The following RIOK1 variants were observed in gnomAD, a reference collection of about 807,000 sequenced individuals.
RIOK1 encodes the protein serine/threonine-protein kinase RIO1.
In RIOK1, 66 loss-of-function variants were observed where a neutral mutation model predicts 73.5. The observed-to-expected ratio is 0.90, with a 90% CI of 0.74 to 1.10. The LOEUF is 1.10. RIOK1 is among the 50% of genes least tolerant of loss of function. RIOK1 has a pLI of 0.00. For missense variants in RIOK1, 658 were observed against 699.8 expected, an observed-to-expected ratio of 0.94 and a Z score of 0.67; for synonymous variants, 224 against 226.8, an observed-to-expected ratio of 0.99 and a Z score of 0.11.
rs563428398 is a variant in RIOK1 at position 7,398,096 on chromosome 6, C to T, written c.438-602C>T. Among the ~76,000 whole-genome samples, 30 of 152,256 alleles carry T rather than the reference C, an allele frequency of 2.0e-4. No individual in the cohort carries two copies. In the South Asian group the frequency reaches 5.8e-3, roughly 29 times the overall value. On this transcript the variant is annotated intron_variant, in intron 4 of 16. Coordinates refer to ENST00000379834, the MANE Select transcript of RIOK1 (RefSeq NM_031480.3). ...GGCAGAGCTTGCAGTGAGCCGAGAT[C>T]GTGCCACTGCACTCCAGCCTGGGCG...
intron 1 of RIOK1, 110 bp downstream of exon 1, chr6:7,390,183 C>A: frequency 1.1e-6 from 1 of 875,916 alleles, no homozygotes; most frequent in Non-Finnish European, 1.8e-6. Context: ...GTTCATCACT[C>A]AGCGTCTCTC....
Position 7,403,924 on chromosome 6 carries a change from T to C in RIOK1, c.768-17T>C, listed in dbSNP as rs746503141. 26 of 1,581,900 alleles carry C rather than the reference T, an allele frequency of 1.6e-5. No individual in the cohort carries two copies. The highest frequency in any genetic ancestry group is 2.0e-5 in the Non-Finnish European group (23 of 1,154,628). ...TTCAACTTTTCAGTTGTCCTTTTAT[T>C]TGTTATAATATCACAGGCTAAACAC... On this transcript the variant is annotated splice_polypyrimidine_tract_variant and intron_variant, in intron 8 of 16. Transcript: ENST00000379834.
chr6:7,414,455 G>A, intron 16 of RIOK1, 65 bp downstream of exon 16: 1 of 1,411,150 alleles, frequency 7.1e-7, no homozygotes, highest in Non-Finnish European at 9.6e-7. Flanking sequence ...ATTTCTCTTT[G>A]CTCAAGGATC....
intron 1 of RIOK1, among the ~76,000 whole-genome samples, chr6:7,390,694 A>G (rs143716508): frequency 3.1e-3 from 472 of 152,354 alleles, no homozygotes; most frequent in Non-Finnish European, 5.1e-3. Flanking sequence ...CCTAGAGCAC[A>G]GTGGAGGTAG....
intron 4 of RIOK1, among the ~76,000 whole-genome samples, chr6:7,398,138 T>C (rs1050993332): frequency 5.9e-5 from 9 of 152,232 alleles, no homozygotes; most frequent in African/African-American, 2.2e-4. Context: ...CGAGACTCCA[T>C]CTCAAAACAA....
At chr6:7,405,645 C>G (rs965976732) in intron 12 of RIOK1, among the ~76,000 whole-genome samples, 3 of 152,110 alleles carry the variant, frequency 2.0e-5, no homozygotes, top group Admixed American at 1.3e-4. Context: ...ATTGCATTTG[C>G]TTGACACTTC....
At chr6:7,397,913 G>A (rs907428029) in intron 4 of RIOK1, among the ~76,000 whole-genome samples, 2 of 152,158 alleles carry the variant, frequency 1.3e-5, no homozygotes, top group Non-Finnish European at 2.9e-5. Context: ...AGGCAGAGGC[G>A]GGCGGATCAC....
chr6:7,416,988 A>T (rs1183838110), intron 16 of RIOK1, among the ~76,000 whole-genome samples: 2 of 152,168 alleles, frequency 1.3e-5, no homozygotes, highest in African/African-American at 4.8e-5. Flanking sequence ...TCATGCCTGT[A>T]ATCTCAGCAT....
intron 12 of RIOK1, among the ~76,000 whole-genome samples, chr6:7,410,073 TAAAGCATTTACTAAATGCA>T (rs1761850915): frequency 6.6e-6 from 1 of 152,292 alleles, no homozygotes; most frequent in South Asian, 2.1e-4. Context: ...TAGTAAATGC[TAAAGCATTTACTAAATGCA>T]AAAGCTAATT....
intron 16 of RIOK1, among the ~76,000 whole-genome samples, chr6:7,416,643 C>CAAAAAAA: frequency 8.8e-6 from 1 of 113,546 alleles, no homozygotes; most frequent in South Asian, 2.8e-4. Context: ...GACTCCGTCT[C>CAAAAAAA]AAAAAAAAAA....
At chr6:7,408,538 C>G (rs1016695127) in intron 12 of RIOK1, among the ~76,000 whole-genome samples, 12 of 152,110 alleles carry the variant, frequency 7.9e-5, no homozygotes, top group Non-Finnish European at 1.8e-4. Flanking sequence ...CACTGTGTCA[C>G]TTATTATACT....
intron 16 of RIOK1, among the ~76,000 whole-genome samples, chr6:7,416,516 CAGGCGCCTGTAGTCCCAGCTCCTT>C (rs1425092168): frequency 1.3e-5 from 2 of 152,030 alleles, no homozygotes; most frequent in East Asian, 3.9e-4. Flanking sequence ...GGCGTGGTGG[CAGGCGCCTGTAGTCCCAGCTCCTT>C]GGGAGGCTGA....
At chr6:7,413,952 C>T (rs1761942395) in intron 15 of RIOK1, among the ~76,000 whole-genome samples, 1 of 152,174 alleles carries the variant, frequency 6.6e-6, no homozygotes, top group East Asian at 1.9e-4. Context: ...ACTAAATGCT[C>T]CTGATTAGCT....
intron 4 of RIOK1, 85 bp downstream of exon 4, chr6:7,396,857 A>C (rs1761487186): frequency 1.3e-6 from 1 of 750,382 alleles, no homozygotes; most frequent in Non-Finnish European, 2.3e-6. Flanking sequence ...TTTACAGAGG[A>C]TGTTCATTTG....
chr6:7,404,104 A>G, intron 9 of RIOK1, 77 bp downstream of exon 9: 3 of 968,870 alleles, frequency 3.1e-6, no homozygotes, highest in South Asian at 2.6e-5. Context: ...CACTATATGA[A>G]TATTTCCCAT....
intron 2 of RIOK1, 52 bp downstream of exon 2, chr6:7,393,355 T>A: frequency 6.9e-7 from 1 of 1,457,668 alleles, no homozygotes; most frequent in Non-Finnish European, 9.6e-7. Flanking sequence ...TATGTCTACT[T>A]TTTTAAAAGG....
In RIOK1 at chr6:7,403,934, A is replaced by G; in HGVS notation, c.768-7A>G. The G allele has an allele frequency of 6.2e-7, 1 of 1,603,064 alleles. No homozygotes were observed. Among genetic ancestry groups the G allele is most frequent in the Non-Finnish European group, 8.5e-7 (1 of 1,171,704 alleles). On this transcript the variant is annotated splice_region_variant and splice_polypyrimidine_tract_variant and intron_variant, in intron 8 of 16. Coordinates refer to ENST00000379834, the MANE Select transcript of RIOK1 (RefSeq NM_031480.3). Reference sequence around the variant, plus strand: ...CAGTTGTCCTTTTATTTGTTATAATATCACAGGCTAAACACAGCAGAGATA... The same window carrying G: ...CAGTTGTCCTTTTATTTGTTATAATGTCACAGGCTAAACACAGCAGAGATA...
rs1381949721 is a variant in RIOK1 at position 7,393,304 on chromosome 6, G to C, written c.276+1G>C. 3 of 1,613,650 alleles carry C rather than the reference G, an allele frequency of 1.9e-6. No individual in the cohort carries two copies. The highest frequency in any genetic ancestry group is 2.2e-5 in the South Asian group (2 of 91,070). On this transcript the variant is annotated splice_donor_variant, in intron 2 of 16. Coordinates refer to ENST00000379834, the MANE Select transcript of RIOK1 (RefSeq NM_031480.3). LOFTEE classifies it high-confidence loss of function. ...CTGGAATGGAGGAAGCAACCCACAGGTATTTTATAAAGGATCCTGCACATC... is the reference window on the plus strand; with the variant it reads ...CTGGAATGGAGGAAGCAACCCACAGCTATTTTATAAAGGATCCTGCACATC...
At position 7,402,733 on chromosome 6, in the gene RIOK1, C is replaced by T; in HGVS notation, c.686+18C>T. 2.5e-6 allele frequency: 4 copies of T among 1,604,562 alleles called. No homozygotes were observed. The highest frequency in any genetic ancestry group is 3.4e-6 in the Non-Finnish European group (4 of 1,175,330). On this transcript the variant is annotated intron_variant, in intron 7 of 16. Coordinates refer to ENST00000379834, the MANE Select transcript of RIOK1 (RefSeq NM_031480.3). ...GAATTCAGGTAAGTTCAGATTTTTC[C>T]CTCCAGTTGGTTTAATTTCTATTTC... is the stretch of plus-strand genomic sequence containing the variant.
Sources: gnomAD v4.1 joint callset for allele counts (sites outside exome capture counted in the v4.1 genomes callset) on GRCh38, gnomAD v4.1.1 for gene constraint, MANE v1.5 for transcripts, NCBI Gene and HGNC (gene_info 2026-07-23, HGNC 2026-07-21) for gene names.